Variants in RAB8A observed in about 807,000 individuals in gnomAD.
RAB8A encodes the protein ras-related protein Rab-8A.
Under a neutral mutation model 29.2 loss-of-function variants are expected in RAB8A, and 5 were observed. The observed-to-expected ratio is 0.17, with a 90% CI of 0.09 to 0.36. RAB8A has a LOEUF of 0.36. Ranked by LOEUF, RAB8A falls within the 10% of genes least tolerant of loss-of-function variation. The probability of loss-of-function intolerance (pLI) is 1.00; values close to 1 mark genes in which losing one functional copy is unlikely to be tolerated. For synonymous variants in RAB8A, 108 were observed against 99.9 expected, an observed-to-expected ratio of 1.08 and a Z score of -0.49; for missense variants, 171 against 272.2, an observed-to-expected ratio of 0.63 and a Z score of 2.62.
chr19:16,123,147 G>A (rs2090882257), intron 3 of RAB8A, among the ~76,000 whole-genome samples: 1 of 152,188 alleles, frequency 6.6e-6, no homozygotes, highest in Non-Finnish European at 1.5e-5. Context: ...CCCCGCTGAA[G>A]TTCACTCAGC....
intron 1 of RAB8A, among the ~76,000 whole-genome samples, chr19:16,113,977 G>A (rs2090835005): frequency 2.0e-5 from 3 of 152,132 alleles, no homozygotes; most frequent in Non-Finnish European, 4.4e-5. Flanking sequence ...AGCCTCTGAA[G>A]ACAGATGTTT....
At chr19:16,129,427 G>A in intron 6 of RAB8A, 127 bp from the exon 7 acceptor site, 2 of 831,888 alleles carry the variant, frequency 2.4e-6, no homozygotes, top group Non-Finnish European at 4.1e-6. Context: ...ACTGCCAGAG[G>A]CGGGCATCAA....
intron 3 of RAB8A, chr19:16,123,876 C>CT (rs2090885570): frequency 6.6e-6 from 1 of 152,026 alleles, no homozygotes; most frequent in Non-Finnish European, 1.5e-5. Flanking sequence ...ACTTGGAGCC[C>CT]TGAGGGGTGT....
intron 3 of RAB8A, chr19:16,124,874 G>A (rs563103554): frequency 5.6e-5 from 9 of 161,992 alleles, no homozygotes; most frequent in Middle Eastern, 3.3e-3. Context: ...CCCACGAGCC[G>A]TCTCCCAGTT....
chr19:16,130,005 A>C (rs1280212902), intron 7 of RAB8A, among the ~76,000 whole-genome samples: 1 of 152,162 alleles, frequency 6.6e-6, no homozygotes, highest in African/African-American at 2.4e-5. Context: ...CAAGCATGGC[A>C]GATCAAGAAC....
chr19:16,114,576 A>G (rs2090838670), intron 1 of RAB8A, among the ~76,000 whole-genome samples: 1 of 142,278 alleles, frequency 7.0e-6, no homozygotes, highest in Admixed American at 7.1e-5. Context: ...TTTTTAGTAG[A>G]GATGGGGTTT....
intron 1 of RAB8A, among the ~76,000 whole-genome samples, chr19:16,113,693 C>T (rs1331586086): frequency 6.6e-6 from 1 of 152,214 alleles, no homozygotes; most frequent in Non-Finnish European, 1.5e-5. Context: ...AGCCACCGCA[C>T]CCAGCGGAGC....
At position 16,134,121 on chromosome 19, in the gene RAB8A, G is replaced by C. The variant is rs1137790; in HGVS notation, c.*1817G>C. The C allele has an allele frequency of 7.2e-3, 1,095 of 152,522 alleles. 8 individuals carry two copies. Among genetic ancestry groups the C allele is most frequent in the African/African-American group, 0.025 (1,034 of 41,560 alleles). 9.4% of individuals were successfully genotyped at this position (152,522 alleles called of 1,614,324 possible). ...AAGATCACAGCAAAATCAGCAAAGG[G>C]AAAAGGCATGCAGAGTGAAGTCCAG... On this transcript the variant is annotated 3_prime_UTR_variant, in exon 8 of 8. Transcript: ENST00000300935.
At chr19:16,121,959 A>G (rs1028902714) in intron 3 of RAB8A, 149 bp downstream of exon 3, 37 of 711,028 alleles carry the variant, frequency 5.2e-5, no homozygotes, top group Non-Finnish European at 7.7e-5. Flanking sequence ...TCTTAGGAAC[A>G]GGCTTTGTGC....
chr19:16,112,378 C>G, intron 1 of RAB8A: 1 of 259,640 alleles, frequency 3.9e-6, no homozygotes, highest in Admixed American at 4.9e-5. Flanking sequence ...GAAGTGGAAA[C>G]TGAGTCATGG....
intron 7 of RAB8A, among the ~76,000 whole-genome samples, chr19:16,130,441 C>T (rs1287802686): frequency 6.6e-6 from 1 of 152,150 alleles, no homozygotes; most frequent in Non-Finnish European, 1.5e-5. Flanking sequence ...CTGATGTAAG[C>T]AAATCTGTTT....
Position 16,130,949 on chromosome 19 carries a change from G to A in RAB8A, c.532-1263G>A, listed in dbSNP as rs147767642. Among the ~76,000 whole-genome samples the A allele has an allele frequency of 1.4e-4, 22 of 152,026 alleles. No individual in the cohort carries two copies. In the East Asian group the frequency reaches 3.9e-3, roughly 27 times the overall value. Reference sequence around the variant, plus strand: ...AGCGGTTCTTCTGACTCAACCTCCCGAGTACTTGGGATTACAGGCACATGT... The same window carrying A: ...AGCGGTTCTTCTGACTCAACCTCCCAAGTACTTGGGATTACAGGCACATGT... On this transcript the variant is annotated intron_variant, in intron 7 of 7. Transcript: ENST00000300935.
intron 7 of RAB8A, among the ~76,000 whole-genome samples, chr19:16,130,009 C>A (rs2090918321): frequency 6.6e-6 from 1 of 152,120 alleles, no homozygotes; most frequent in Non-Finnish European, 1.5e-5. Flanking sequence ...CATGGCAGAT[C>A]AAGAACCTGC....
intron 2 of RAB8A, among the ~76,000 whole-genome samples, chr19:16,119,394 G>A (rs1254868663): frequency 6.6e-6 from 1 of 151,912 alleles, no homozygotes; most frequent in Admixed American, 6.6e-5. Context: ...TAGTAGAGAC[G>A]GGGTTTCTCC....
intron 2 of RAB8A, among the ~76,000 whole-genome samples, chr19:16,118,698 A>C (rs895422788): frequency 2.0e-5 from 3 of 152,154 alleles, no homozygotes; most frequent in African/African-American, 7.2e-5. Context: ...ACTCAGAAGC[A>C]TAAAGGTCCA....
intron 6 of RAB8A, among the ~76,000 whole-genome samples, chr19:16,128,604 G>C (rs1438237327): frequency 6.6e-6 from 1 of 152,054 alleles, no homozygotes; most frequent in South Asian, 2.1e-4. Context: ...TATCACTCCC[G>C]ACCTAAAGTC....
At chr19:16,115,755 C>T (rs2090843532) in intron 1 of RAB8A, among the ~76,000 whole-genome samples, 1 of 152,204 alleles carries the variant, frequency 6.6e-6, no homozygotes, top group Non-Finnish European at 1.5e-5. Context: ...TATTCAACCC[C>T]TGTGTGTTCA....
At position 16,133,638 on chromosome 19, in the gene RAB8A, A is replaced by C. The variant is rs2090940364; in HGVS notation, c.*1334A>C. On this transcript the variant is annotated 3_prime_UTR_variant, in exon 8 of 8. Coordinates refer to ENST00000300935, the MANE Select transcript of RAB8A (RefSeq NM_005370.5). ...TTAAAGCTCATCTTAAAGTCCAAGG[A>C]TTTTTATGTCCACATTTTCCCTGTA... 1 of 152,648 alleles carries C rather than the reference A, an allele frequency of 6.6e-6. No homozygotes were observed. Among genetic ancestry groups the C allele is most frequent in the Non-Finnish European group, 1.5e-5 (1 of 68,078 alleles). 9.5% of individuals were successfully genotyped at this position (152,648 alleles called of 1,614,324 possible). A position where few individuals can be genotyped will look rare whatever the true frequency, so the allele number is the denominator to read the frequency against.
Position 16,127,531 on chromosome 19 carries a change from G to C in RAB8A, c.414+5G>C. 2.0e-6 allele frequency: 3 copies of C among 1,521,018 alleles called. No homozygotes were observed. Among genetic ancestry groups the C allele is most frequent in the Non-Finnish European group, 2.6e-6 (3 of 1,136,722 alleles). 94.2% of individuals were successfully genotyped at this position (1,521,018 alleles called of 1,614,324 possible). On this transcript the variant is annotated splice_donor_5th_base_variant and intron_variant, in intron 5 of 7. Coordinates refer to ENST00000300935, the MANE Select transcript of RAB8A (RefSeq NM_005370.5). This position sits in a 1 kb window ranked among gnomAD's most constrained non-coding sequence, Gnocchi z 4.8. ...TCCAAGGAACGGGGAGAAAAGGTGGGCATGGTGGCACAAGGGGCAGAGGGC... is the reference window on the plus strand; with the variant it reads ...TCCAAGGAACGGGGAGAAAAGGTGGCCATGGTGGCACAAGGGGCAGAGGGC...
Sources: allele counts gnomAD v4.1 joint callset (sites outside exome capture counted in the v4.1 genomes callset), GRCh38; gene constraint gnomAD v4.1.1; non-coding constraint Gnocchi (gnomAD v3.1); transcripts MANE v1.5; gene names NCBI Gene and HGNC (gene_info 2026-07-23, HGNC 2026-07-21).